RARRES1: variants seen among roughly 807,000 people sequenced by gnomAD.
The protein encoded by RARRES1 is retinoic acid receptor responder protein 1.
In RARRES1, 34 loss-of-function variants were observed where a neutral mutation model predicts 30.6. The ratio of observed to expected loss-of-function variants is 1.11; its 90% CI spans 0.84 to 1.48. The LOEUF is 1.48. Ranked by LOEUF, RARRES1 falls within the 40% of genes most tolerant of loss-of-function variation. RARRES1 has a pLI of 0.00. For synonymous variants in RARRES1, 153 were observed against 155.5 expected, an observed-to-expected ratio of 0.98 and a Z score of 0.12; for missense variants, 373 against 386.5, an observed-to-expected ratio of 0.97 and a Z score of 0.29.
At chr3:158,702,065 T>A (rs1321521576) in intron 4 of RARRES1, among the ~76,000 whole-genome samples, 2 of 152,076 alleles carry the variant, frequency 1.3e-5, no homozygotes, top group African/African-American at 4.8e-5. Flanking sequence ...TGAGACAGAG[T>A]CTTGCTCTGT....
chr3:158,707,332 T>C (rs1179057522), intron 3 of RARRES1, among the ~76,000 whole-genome samples: 3 of 152,018 alleles, frequency 2.0e-5, no homozygotes, highest in African/African-American at 7.2e-5. Flanking sequence ...TTTTGAAAAG[T>C]AGACAGAATA....
intron 1 of RARRES1, among the ~76,000 whole-genome samples, chr3:158,714,155 G>C (rs1455425445): frequency 6.6e-6 from 1 of 152,138 alleles, no homozygotes; most frequent in Non-Finnish European, 1.5e-5. Context: ...AGTGTGCAGG[G>C]AGCTGGAGGG....
intron 4 of RARRES1, among the ~76,000 whole-genome samples, chr3:158,700,731 G>C (rs1726696186): frequency 6.6e-6 from 1 of 152,096 alleles, no homozygotes; most frequent in African/African-American, 2.4e-5. Flanking sequence ...TATCTTTTTG[G>C]CTTCAATTCA....
At chr3:158,716,647 G>A (rs1018639770) in intron 1 of RARRES1, among the ~76,000 whole-genome samples, 9 of 151,148 alleles carry the variant, frequency 6.0e-5, no homozygotes, top group African/African-American at 1.9e-4. Flanking sequence ...GCAGTGGCAC[G>A]ATCTCGGCTC....
rs953887019 is a variant in RARRES1 at position 158,732,369 on chromosome 3, C to G, written c.47G>C (p.Arg16Thr). The stretch of plus-strand genomic sequence containing the variant: ...CAGCGGGGCGGTGGGGCGCGGGCCC[C>G]TGGGCCCGGACCAGGGAGCAGGCAG... ...QRLPAPWSGP[R>T]GPRPTAPLLA... The change falls in exon 1 of 6, where the codon AGG becomes ACG. Residue 16 changes from arginine (R) to threonine (T), a missense_variant. By Grantham distance (71) the Arg-to-Thr change is moderately conservative (BLOSUM62 -1). Coordinates refer to ENST00000237696, the MANE Select transcript of RARRES1 (RefSeq NM_206963.2). The G allele has an allele frequency of 1.3e-5, 19 of 1,484,466 alleles. No homozygotes were observed. In the Admixed American group the frequency reaches 4.0e-4, roughly 31 times the overall value. 92.0% of individuals were successfully genotyped at this position (1,484,466 alleles called of 1,614,324 possible).
intron 3 of RARRES1, among the ~76,000 whole-genome samples, chr3:158,707,421 G>T (rs906040080): frequency 3.9e-5 from 6 of 152,186 alleles, no homozygotes; most frequent in Admixed American, 3.9e-4. Context: ...TAGGACAAGA[G>T]AAGGAACTGG....
intron 1 of RARRES1, among the ~76,000 whole-genome samples, chr3:158,716,679 G>C (rs1727332690): frequency 6.6e-6 from 1 of 151,782 alleles, no homozygotes; most frequent in Non-Finnish European, 1.5e-5. Context: ...CGCCTCCTGG[G>C]TTCAAGCAAT....
intron 1 of RARRES1, among the ~76,000 whole-genome samples, chr3:158,719,352 C>A (rs1727425117): frequency 6.6e-6 from 1 of 151,028 alleles, no homozygotes; most frequent in Admixed American, 6.6e-5. Flanking sequence ...GCTCACTGCA[C>A]CCTCCACCTC....
chr3:158,722,594 C>T (rs1324508107), intron 1 of RARRES1, among the ~76,000 whole-genome samples: 1 of 152,020 alleles, frequency 6.6e-6, no homozygotes, highest in Non-Finnish European at 1.5e-5. Flanking sequence ...AAACATCAAA[C>T]AATCCTGGCC....
At chr3:158,706,145 C>G (rs938330902) in intron 3 of RARRES1, among the ~76,000 whole-genome samples, 10 of 152,162 alleles carry the variant, frequency 6.6e-5, no homozygotes, top group Non-Finnish European at 1.3e-4. Flanking sequence ...AGTTTATACT[C>G]AGAGGTAATT....
intron 1 of RARRES1, among the ~76,000 whole-genome samples, chr3:158,714,100 G>A (rs1727241065): frequency 6.6e-6 from 1 of 152,104 alleles, no homozygotes; most frequent in African/African-American, 2.4e-5. Flanking sequence ...GTTGCGTTCT[G>A]ACTGGAGTGA....
At chr3:158,714,559 T>G (rs576873477) in intron 1 of RARRES1, among the ~76,000 whole-genome samples, 6 of 152,368 alleles carry the variant, frequency 3.9e-5, no homozygotes, top group African/African-American at 1.2e-4. Flanking sequence ...TTCTTTCGTT[T>G]GCAGTTTTTA....
At chr3:158,727,353 G>T (rs1227853608) in intron 1 of RARRES1, among the ~76,000 whole-genome samples, 1 of 152,212 alleles carries the variant, frequency 6.6e-6, no homozygotes, top group Non-Finnish European at 1.5e-5. Flanking sequence ...TTTAAAGTAT[G>T]TTTCCAACCA....
Position 158,697,987 on chromosome 3 carries a change from GAGTT to G in RARRES1, c.673-21_673-18del, listed in dbSNP as rs767544505. 41 of 1,465,420 alleles carry G rather than the reference GAGTT, an allele frequency of 2.8e-5. No individual in the cohort carries two copies. Among genetic ancestry groups the G allele is most frequent in the African/African-American group, 9.8e-5 (7 of 71,456 alleles). 90.8% of individuals were successfully genotyped at this position (1,465,420 alleles called of 1,614,324 possible). A position where few individuals can be genotyped will look rare whatever the true frequency, so the allele number is the denominator to read the frequency against. Reference sequence around the variant, plus strand: ...ATTAGTTTTCTAGAGGGAGAAAAAAGAGTTAGTGTAATAAATATGGTGGTATTTA... The same window carrying G: ...ATTAGTTTTCTAGAGGGAGAAAAAAGAGTGTAATAAATATGGTGGTATTTA... On this transcript the variant is annotated intron_variant, in intron 4 of 5. Coordinates refer to ENST00000237696, the MANE Select transcript of RARRES1 (RefSeq NM_206963.2).
intron 4 of RARRES1, among the ~76,000 whole-genome samples, chr3:158,699,434 A>C (rs370855437): frequency 1.1e-3 from 150 of 137,798 alleles, no homozygotes; most frequent in South Asian, 2.5e-3. Flanking sequence ...CAAAAAAGCA[A>C]CCCCCCCCCC....
At chr3:158,730,664 C>T (rs1040724070) in intron 1 of RARRES1, among the ~76,000 whole-genome samples, 2 of 152,056 alleles carry the variant, frequency 1.3e-5, no homozygotes, top group African/African-American at 4.8e-5. Context: ...GTTACCCAGA[C>T]TGGTCTACAA....
chr3:158,700,052 G>C (rs1053278869), intron 4 of RARRES1, among the ~76,000 whole-genome samples: 11 of 152,012 alleles, frequency 7.2e-5, no homozygotes, highest in African/African-American at 2.7e-4. Context: ...ATTGGTTTTA[G>C]GCTGGACATG....
chr3:158,709,656 G>A (rs1046102596), intron 3 of RARRES1, among the ~76,000 whole-genome samples: 2 of 152,236 alleles, frequency 1.3e-5, no homozygotes, highest in African/African-American at 4.8e-5. Context: ...AGCCTCCAGT[G>A]TTGACATGGG....
At chr3:158,729,793 C>G (rs1411411180) in intron 1 of RARRES1, among the ~76,000 whole-genome samples, 1 of 151,928 alleles carries the variant, frequency 6.6e-6, no homozygotes, top group African/African-American at 2.4e-5. Flanking sequence ...GAAAAAAAAT[C>G]TCTGGGATTG....
Sources: gnomAD v4.1 joint callset for allele counts (sites outside exome capture counted in the v4.1 genomes callset) on GRCh38, gnomAD v4.1.1 for gene constraint, MANE v1.5 for transcripts, NCBI Gene and HGNC (gene_info 2026-07-23, HGNC 2026-07-21) for gene names.